The following PPP4R1 variants were observed in gnomAD, a reference collection of about 807,000 sequenced individuals.
PPP4R1 encodes protein phosphatase 4 regulatory subunit 1, also known as serine/threonine-protein phosphatase 4 regulatory subunit 1.
PPP4R1 carries 42 observed loss-of-function variants against 111.2 expected under a neutral mutation model. That is an observed-to-expected ratio of 0.38 (90% CI 0.29 to 0.49). The LOEUF (loss-of-function observed/expected upper bound fraction) is 0.49. Among genes scored for constraint, PPP4R1 ranks in the 20% least tolerant of loss-of-function variants. The pLI is 0.97. For missense variants in PPP4R1, 1,012 were observed against 1,161.6 expected (o/e 0.87, Z 1.87); for synonymous variants, 409 against 405.5 (o/e 1.01, Z -0.10).
At chr18:9,568,461 A>T (rs2066806273) in intron 11 of PPP4R1, among the ~76,000 whole-genome samples, 1 of 152,212 alleles carries the variant, frequency 6.6e-6, no homozygotes, top group African/African-American at 2.4e-5. Flanking sequence ...GCAGCTAGTA[A>T]ATTTACAGTA....
At chr18:9,566,099 C>A (rs1283478341) in intron 11 of PPP4R1, among the ~76,000 whole-genome samples, 1 of 151,834 alleles carries the variant, frequency 6.6e-6, no homozygotes, top group Non-Finnish European at 1.5e-5. Context: ...TTAGTAGAGA[C>A]AGGGTTTCAC....
intron 2 of PPP4R1, chr18:9,612,814 A>C (rs986477565): frequency 3.9e-5 from 6 of 152,204 alleles, no homozygotes; most frequent in African/African-American, 1.4e-4. Context: ...TCACTACATG[A>C]GTACTGCTCC....
intron 4 of PPP4R1, among the ~76,000 whole-genome samples, chr18:9,589,347 C>T (rs1277020250): frequency 6.6e-6 from 1 of 152,054 alleles, no homozygotes; most frequent in African/African-American, 2.4e-5. Context: ...TTAAAGATGA[C>T]AAATATTTTT....
intron 9 of PPP4R1, among the ~76,000 whole-genome samples, chr18:9,582,159 A>G (rs1439537757): frequency 1.3e-5 from 2 of 151,980 alleles, no homozygotes; most frequent in Non-Finnish European, 2.9e-5. Context: ...GAAGCAAAAT[A>G]AACTAAAAGC....
At chr18:9,552,532 G>A (rs80091986) in intron 16 of PPP4R1, among the ~76,000 whole-genome samples, 1 of 152,312 alleles carries the variant, frequency 6.6e-6, no homozygotes, top group East Asian at 1.9e-4. Flanking sequence ...TGTTAGTGAG[G>A]AGACAGAGAA....
intron 3 of PPP4R1, 65 bp downstream of exon 3, chr18:9,594,953 T>C (rs1455675663): frequency 1.9e-6 from 3 of 1,551,410 alleles, no homozygotes; most frequent in Non-Finnish European, 8.8e-7. Flanking sequence ...TACTTTCATT[T>C]TCCCTACTGA....
chr18:9,553,915 C>T (rs1410229955), intron 15 of PPP4R1, among the ~76,000 whole-genome samples: 1 of 152,164 alleles, frequency 6.6e-6, no homozygotes, highest in Non-Finnish European at 1.5e-5. Context: ...AGCAAACCAA[C>T]CTAACTGTGC....
At chr18:9,555,932 C>T (rs150645951) in intron 15 of PPP4R1, among the ~76,000 whole-genome samples, 1 of 151,118 alleles carries the variant, frequency 6.6e-6, no homozygotes, top group Non-Finnish European at 1.5e-5. Context: ...ATCAGGAGAT[C>T]AAGACCATCC....
At chr18:9,601,220 A>G (rs982592192) in intron 2 of PPP4R1, among the ~76,000 whole-genome samples, 126 of 130,666 alleles carry the variant, frequency 9.6e-4, no homozygotes, top group Middle Eastern at 4.0e-3. Flanking sequence ...TTTTTTGGGG[A>G]AAAAAAAAAA....
At chr18:9,598,589 AT>A (rs35101557) in intron 2 of PPP4R1, among the ~76,000 whole-genome samples, 64,245 of 151,954 alleles carry the variant, frequency 0.42, 14,212 homozygotes, top group African/African-American at 0.55. Flanking sequence ...TGAAATAAAG[AT>A]TTTTTTCAGC....
At chr18:9,602,619 G>A (rs2067408231) in intron 2 of PPP4R1, among the ~76,000 whole-genome samples, 1 of 151,636 alleles carries the variant, frequency 6.6e-6, no homozygotes, top group Non-Finnish European at 1.5e-5. Context: ...CAGCACTTTG[G>A]GAGGCCAAGG....
chr18:9,605,549 T>C (rs2067463928), intron 2 of PPP4R1, among the ~76,000 whole-genome samples: 1 of 113,120 alleles, frequency 8.8e-6, no homozygotes, highest in Admixed American at 1.2e-4. Context: ...ACACTATCAC[T>C]TATGTAGCAG....
chr18:9,597,714 CTG>C (rs2067312475), intron 2 of PPP4R1, among the ~76,000 whole-genome samples: 2 of 152,078 alleles, frequency 1.3e-5, no homozygotes, highest in South Asian at 2.1e-4. Flanking sequence ...CTCCAAGAAA[CTG>C]TGTCACAGAA....
At position 9,578,785 on chromosome 18, in the gene PPP4R1, T is replaced by A. The variant is rs189729689; in HGVS notation, c.919-1594A>T. Reference sequence around the variant, plus strand: ...TATGTGTGTAAACTAAGGGTTTTTCTCCCCTTCGTAAGTCACTTACTTACG... The same window carrying A: ...TATGTGTGTAAACTAAGGGTTTTTCACCCCTTCGTAAGTCACTTACTTACG... On this transcript the variant is annotated intron_variant, in intron 9 of 19. Coordinates refer to ENST00000400556, the MANE Select transcript of PPP4R1 (RefSeq NM_001042388.3). Among the ~76,000 whole-genome samples, 209 of 152,284 alleles carry A rather than the reference T, an allele frequency of 1.4e-3. 3 individuals carry two copies. In the South Asian group the frequency reaches 0.018, roughly 13 times the overall value.
At chr18:9,594,938 G>A (rs1598947751) in intron 3 of PPP4R1, 80 bp downstream of exon 3, 5 of 1,506,520 alleles carry the variant, frequency 3.3e-6, no homozygotes, top group Non-Finnish European at 1.8e-6. Flanking sequence ...CTCCTTTAAA[G>A]TGGATACTTT....
At chr18:9,574,437 C>T (rs1311173744) in intron 10 of PPP4R1, among the ~76,000 whole-genome samples, 2 of 152,168 alleles carry the variant, frequency 1.3e-5, no homozygotes, top group Non-Finnish European at 2.9e-5. Flanking sequence ...TGTGAATTAA[C>T]TCAATGAAGT....
At chr18:9,611,152 G>C (rs1447793321) in intron 2 of PPP4R1, among the ~76,000 whole-genome samples, 2 of 152,132 alleles carry the variant, frequency 1.3e-5, no homozygotes, top group African/African-American at 4.8e-5. Flanking sequence ...TCCAGGTTCT[G>C]CATTTAGGAA....
Position 9,561,974 on chromosome 18 carries a change from A to G in PPP4R1, c.1842+6T>C, listed in dbSNP as rs1242289033. ...CCACAAAAGAACACATTTTTTGGTC[A>G]CTTACTTGTACTTTAGTTCTCCTTT... On this transcript the variant is annotated splice_donor_region_variant and intron_variant, in intron 13 of 19. Transcript: ENST00000400556. 6.2e-7 allele frequency: 1 copy of G among 1,600,104 alleles called. No homozygotes were observed. The highest frequency in any genetic ancestry group is 8.6e-7 in the Non-Finnish European group (1 of 1,167,622).
At chr18:9,564,654 CAAGA>C (rs1180872289) in intron 11 of PPP4R1, among the ~76,000 whole-genome samples, 1 of 150,054 alleles carries the variant, frequency 6.7e-6, no homozygotes, top group Non-Finnish European at 1.5e-5. Flanking sequence ...ATAGACTGTA[CAAGA>C]AAGAAAGGTT....
Sources: allele counts gnomAD v4.1 joint callset (sites outside exome capture counted in the v4.1 genomes callset), GRCh38; gene constraint gnomAD v4.1.1; transcripts MANE v1.5; gene names NCBI Gene and HGNC (gene_info 2026-07-23, HGNC 2026-07-21).